NXN: variants seen among roughly 807,000 people sequenced by gnomAD.
NXN encodes nucleoredoxin, also known as nucleoredoxin 1.
A neutral mutation model predicts 48.6 loss-of-function variants in NXN; 16 were observed. The ratio of observed to expected loss-of-function variants is 0.33; its 90% CI spans 0.22 to 0.50. The LOEUF (loss-of-function observed/expected upper bound fraction) is 0.50. Ranked by LOEUF, NXN falls within the 20% of genes least tolerant of loss-of-function variation. NXN has a pLI of 0.98. For synonymous variants in NXN, 281 were observed against 269.6 expected, an observed-to-expected ratio of 1.04 and a Z score of -0.41; for missense variants, 492 against 605.5, an observed-to-expected ratio of 0.81 and a Z score of 1.97.
chr17:909,098 C>CAAAAAAAAAA lies in NXN; in HGVS notation c.360+70211_360+70220dup, dbSNP rs59822805. Among the ~76,000 whole-genome samples, 39 of 117,356 alleles carry CAAAAAAAAAA rather than the reference C, an allele frequency of 3.3e-4. 2 individuals are homozygous for CAAAAAAAAAA. Among genetic ancestry groups the CAAAAAAAAAA allele is most frequent in the African/African-American group, 1.3e-3 (37 of 29,270 alleles). The allele number at this position is 117,356 out of a possible 152,430, so 77.0% of individuals were successfully genotyped here. On this transcript the variant is annotated intron_variant, in intron 1 of 7. Coordinates refer to ENST00000336868, the MANE Select transcript of NXN (RefSeq NM_022463.5). ...TGGGCGACAGAGTGAGACTTCGTCT[C>CAAAAAAAAAA]AAAAAAAAAAAAAAAAAAAAAAAAA...
intron 1 of NXN, among the ~76,000 whole-genome samples, chr17:902,566 G>C (rs1170512076): frequency 6.6e-6 from 1 of 152,132 alleles, no homozygotes; most frequent in African/African-American, 2.4e-5. Flanking sequence ...CTGTCACTCA[G>C]TGGCAATGCC....
chr17:873,824 T>A (rs553414471), intron 1 of NXN, among the ~76,000 whole-genome samples: 1 of 152,266 alleles, frequency 6.6e-6, no homozygotes, highest in South Asian at 2.1e-4. Flanking sequence ...GAGGAGCAGT[T>A]CATTAATTAC....
intron 1 of NXN, among the ~76,000 whole-genome samples, chr17:859,450 A>G (rs544834497): frequency 6.6e-6 from 1 of 152,316 alleles, no homozygotes; most frequent in Non-Finnish European, 1.5e-5. Flanking sequence ...GAACAACAAC[A>G]AATGTGAAAA....
At position 969,540 on chromosome 17, in the gene NXN, G is replaced by A. The variant is rs187962526; in HGVS notation, c.360+9779C>T. 2.0e-5 allele frequency among the ~76,000 whole-genome samples: 3 copies of A among 152,308 alleles called. No individual in the cohort carries two copies. The East Asian group carries it at 5.8e-4, about 29-fold the overall frequency. On this transcript the variant is annotated intron_variant, in intron 1 of 7. Transcript: ENST00000336868. ...ACATTCACGCCTATTCGGGGCTCCG[G>A]CGGTCACACTGCGATTTTTCCCTAT...
intron 1 of NXN, among the ~76,000 whole-genome samples, chr17:881,842 T>C (rs1312167763): frequency 6.6e-6 from 1 of 152,094 alleles, no homozygotes; most frequent in Non-Finnish European, 1.5e-5. Flanking sequence ...GCTGAGCAAA[T>C]GAAGCCCGAC....
chr17:870,992 C>T (rs917506213), intron 1 of NXN, among the ~76,000 whole-genome samples: 1 of 151,170 alleles, frequency 6.6e-6, no homozygotes, highest in Non-Finnish European at 1.5e-5. Flanking sequence ...CCGAGTAGCT[C>T]GGACTACAGG....
chr17:837,122 C>T (rs144165386), intron 1 of NXN, among the ~76,000 whole-genome samples: 2,551 of 152,210 alleles, frequency 0.017, 32 homozygotes, highest in Non-Finnish European at 0.027. Context: ...GGACTACGGT[C>T]GCACACCACC....
At chr17:867,795 G>A (rs749983662) in intron 1 of NXN, among the ~76,000 whole-genome samples, 41 of 151,958 alleles carry the variant, frequency 2.7e-4, no homozygotes, top group Non-Finnish European at 4.7e-4. Context: ...GTGTGGTGGC[G>A]GGAGGCTGTA....
chr17:860,324 A>G (rs866191121), intron 1 of NXN, among the ~76,000 whole-genome samples: 10 of 141,708 alleles, frequency 7.1e-5, no homozygotes, highest in African/African-American at 2.1e-4. Flanking sequence ...GGGTTTCGCC[A>G]TCCTGGCCAG....
At chr17:929,314 C>A (rs541399139) in intron 1 of NXN, among the ~76,000 whole-genome samples, 1 of 152,364 alleles carries the variant, frequency 6.6e-6, no homozygotes, top group East Asian at 1.9e-4. Context: ...GTGAGTCCTG[C>A]AGGAAAACAC....
intron 1 of NXN, among the ~76,000 whole-genome samples, chr17:886,760 A>T (rs1215401129): frequency 1.3e-5 from 2 of 148,622 alleles, no homozygotes; most frequent in African/African-American, 5.0e-5. Flanking sequence ...CCTGGGCGAC[A>T]GAGTGAGACT....
At chr17:960,278 T>C (rs917974474) in intron 1 of NXN, among the ~76,000 whole-genome samples, 1 of 152,226 alleles carries the variant, frequency 6.6e-6, no homozygotes, top group African/African-American at 2.4e-5. Flanking sequence ...ATTTGGGATC[T>C]CGCTTTTCTG....
chr17:941,480 A>G (rs1464002129), intron 1 of NXN, among the ~76,000 whole-genome samples: 2 of 126,400 alleles, frequency 1.6e-5, no homozygotes, highest in East Asian at 5.1e-4. Context: ...TACAGTGAAC[A>G]AGATTCCAGG....
intron 1 of NXN, among the ~76,000 whole-genome samples, chr17:947,026 G>A (rs541413126): frequency 1.3e-4 from 20 of 152,272 alleles, no homozygotes; most frequent in Middle Eastern, 3.4e-3. Context: ...TCCAGGGGCC[G>A]CATGAGGAGA....
intron 1 of NXN, among the ~76,000 whole-genome samples, chr17:827,547 C>T (rs1040864441): frequency 3.3e-5 from 5 of 152,152 alleles, no homozygotes; most frequent in African/African-American, 7.2e-5. Context: ...GGCGTGAACC[C>T]GGGAGGCGGG....
intron 1 of NXN, among the ~76,000 whole-genome samples, chr17:851,604 C>T (rs2144748492): frequency 6.6e-6 from 1 of 152,336 alleles, no homozygotes; most frequent in South Asian, 2.1e-4. Flanking sequence ...GATGTGAAAT[C>T]CAGATGGCTG....
chr17:809,905 G>GCGGC (rs1911822965), intron 5 of NXN, among the ~76,000 whole-genome samples: 1 of 150,182 alleles, frequency 6.7e-6, no homozygotes, highest in South Asian at 2.1e-4. Flanking sequence ...GTCCCTGTGA[G>GCGGC]TGCCGTGCAC....
At chr17:940,722 C>T (rs2068963238) in intron 1 of NXN, among the ~76,000 whole-genome samples, 3 of 151,182 alleles carry the variant, frequency 2.0e-5, no homozygotes, top group Admixed American at 6.6e-5. Flanking sequence ...AAACACCTTC[C>T]TGGATTTACA....
At chr17:889,672 GAAAGA>G (rs908463136) in intron 1 of NXN, among the ~76,000 whole-genome samples, 38 of 147,176 alleles carry the variant, frequency 2.6e-4, no homozygotes, top group South Asian at 8.6e-4. Context: ...GCGAGACTGT[GAAAGA>G]AAAGAAAAGA....
Sources: gnomAD v4.1 joint callset for allele counts (sites outside exome capture counted in the v4.1 genomes callset) on GRCh38, gnomAD v4.1.1 for gene constraint, MANE v1.5 for transcripts, NCBI Gene and HGNC (gene_info 2026-07-23, HGNC 2026-07-21) for gene names.